The following CELF2 variants were observed in gnomAD, a reference collection of about 807,000 sequenced individuals.
CELF2 encodes the protein CUG triplet repeat RNA-binding protein 2.
Under a neutral mutation model 62.6 loss-of-function variants are expected in CELF2, and 8 were observed. The observed-to-expected ratio is 0.13, with a 90% CI of 0.07 to 0.23. The LOEUF (loss-of-function observed/expected upper bound fraction) is 0.23, where lower values mean the gene tolerates loss of function less well. Among genes scored for constraint, CELF2 ranks in the 10% least tolerant of loss-of-function variants. The pLI, the probability that CELF2 is intolerant of heterozygous loss-of-function variation, is 1.00. For synonymous variants in CELF2, 258 were observed against 250.0 expected (o/e 1.03, Z -0.30); for missense variants, 333 against 671.0 (o/e 0.50, Z 5.56).
intron 9 of CELF2, among the ~76,000 whole-genome samples, chr10:11,294,520 ATC>A (rs1418841744): frequency 6.6e-6 from 1 of 152,186 alleles, no homozygotes; most frequent in Non-Finnish European, 1.5e-5. Flanking sequence ...AAAGAAGGAA[ATC>A]TCAAGGTAGA....
At chr10:10,904,192 A>G (rs943175261) in intron 1 of CELF2, among the ~76,000 whole-genome samples, 2 of 151,816 alleles carry the variant, frequency 1.3e-5, no homozygotes, top group African/African-American at 4.8e-5. Flanking sequence ...TATTATTTTT[A>G]TCACGCAATA....
chr10:10,743,045 G>A, the CELF2 span, among the ~76,000 whole-genome samples: 1 of 152,160 alleles, frequency 6.6e-6, no homozygotes, highest in African/African-American at 2.4e-5. Flanking sequence ...CACCTACTAT[G>A]TGCCTAAGGC....
rs56364371 is a variant in CELF2, at chr10:11,032,146, C to CAAAAAAAAAAAAAAAAA, written c.74+13992_74+14008dup. Among the ~76,000 whole-genome samples, 271 of 86,326 alleles carry CAAAAAAAAAAAAAAAAA rather than the reference C, an allele frequency of 3.1e-3. 22 individuals carry two copies. Among genetic ancestry groups the CAAAAAAAAAAAAAAAAA allele is most frequent in the Non-Finnish European group, 4.9e-3 (190 of 38,704 alleles). The allele number at this position is 86,326 out of a possible 152,430, so 56.6% of individuals were successfully genotyped here. ...CTCCCAGCTCCACATAGGGCTTAGC[C>CAAAAAAAAAAAAAAAAA]AAAAAAAAAAAAAAAAAAAAAAAAA... On this transcript the variant is annotated intron_variant, in intron 1 of 12. Coordinates refer to ENST00000633077, the MANE Select transcript of CELF2 (RefSeq NM_001326342.2).
the CELF2 span, among the ~76,000 whole-genome samples, chr10:10,731,799 C>T: frequency 4.7e-3 from 714 of 152,234 alleles, 2 homozygotes; most frequent in Middle Eastern, 0.01. Context: ...ATGTTCTGTT[C>T]AGTTTGAGAT....
chr10:11,111,646 A>G (rs904420148), intron 1 of CELF2, among the ~76,000 whole-genome samples: 14 of 152,226 alleles, frequency 9.2e-5, no homozygotes, highest in Admixed American at 5.2e-4. Flanking sequence ...CTCTTTTCAC[A>G]TAGGCAACGT....
At chr10:10,824,868 G>A (rs749143018) in intron 1 of CELF2, among the ~76,000 whole-genome samples, 2 of 152,144 alleles carry the variant, frequency 1.3e-5, no homozygotes, top group Non-Finnish European at 2.9e-5. Flanking sequence ...ACACCTCTTT[G>A]AGCCTCTGAT....
At chr10:10,979,672 CAAAAAAAA>C (rs35482385) in intron 2 of CELF2, among the ~76,000 whole-genome samples, 2 of 68,968 alleles carry the variant, frequency 2.9e-5, no homozygotes, top group Admixed American at 1.6e-4. Flanking sequence ...CCTTGTCTCT[CAAAAAAAA>C]AAAAAAAAAA....
At chr10:10,551,501 C>T in the CELF2 span, among the ~76,000 whole-genome samples, 1 of 152,106 alleles carries the variant, frequency 6.6e-6, no homozygotes, top group Admixed American at 6.6e-5. Flanking sequence ...GACCCCCTCC[C>T]CCCCAGTCTC....
the CELF2 span, among the ~76,000 whole-genome samples, chr10:10,651,809 G>T: frequency 6.6e-6 from 1 of 151,918 alleles, no homozygotes; most frequent in African/African-American, 2.4e-5. Context: ...CTAAAAAGCA[G>T]AGCGCCTCTC....
intron 1 of CELF2, among the ~76,000 whole-genome samples, chr10:10,853,354 C>T (rs767997550): frequency 6.6e-6 from 1 of 151,900 alleles, no homozygotes; most frequent in African/African-American, 2.4e-5. Flanking sequence ...TTAGCAGGCT[C>T]CTATAAGAAA....
chr10:10,999,950 C>T (rs903986580), intron 2 of CELF2, among the ~76,000 whole-genome samples: 3 of 152,178 alleles, frequency 2.0e-5, no homozygotes, highest in Non-Finnish European at 2.9e-5. Flanking sequence ...GTGCCTTTGC[C>T]TCCTCTAAAA....
rs188062685 is a variant in CELF2 at position 11,152,580 on chromosome 10, C to T, written c.75-12906C>T. Among the ~76,000 whole-genome samples the T allele has an allele frequency of 1.9e-3, 293 of 152,354 alleles. 4 individuals carry two copies. Among genetic ancestry groups the T allele is most frequent in the Non-Finnish European group, 3.5e-4 (24 of 68,034 alleles). On this transcript the variant is annotated intron_variant, in intron 1 of 12. Transcript: ENST00000633077. ...CTTGTCACCTTTTAACCTTTTCACT[C>T]AGAATCCTAAAGGATGTTCTTGAAC...
At chr10:11,320,428 C>G (rs1363957313) in intron 10 of CELF2, among the ~76,000 whole-genome samples, 1 of 152,216 alleles carries the variant, frequency 6.6e-6, no homozygotes, top group Non-Finnish European at 1.5e-5. Flanking sequence ...TGTGTGCATG[C>G]GTGCACGCAC....
chr10:10,618,854 T>C, the CELF2 span, among the ~76,000 whole-genome samples: 15 of 152,194 alleles, frequency 9.9e-5, no homozygotes, highest in East Asian at 2.9e-3. Flanking sequence ...TCTGGTTCCA[T>C]GGTGAAATAC....
At chr10:10,704,892 A>ATT in the CELF2 span, among the ~76,000 whole-genome samples, 3 of 145,872 alleles carry the variant, frequency 2.1e-5, no homozygotes, top group Non-Finnish European at 3.0e-5. Context: ...CTTATATAAG[A>ATT]TTTTTTTTTT....
At chr10:10,688,141 T>A in the CELF2 span, among the ~76,000 whole-genome samples, 2 of 152,224 alleles carry the variant, frequency 1.3e-5, no homozygotes, top group African/African-American at 4.8e-5. Context: ...GGATTTAGGA[T>A]TTTACCTGCA....
rs920413420 is a variant in CELF2, at chr10:10,839,162, T to C, written c.53+40345T>C. On this transcript the variant is annotated intron_variant, in intron 1 of 13. Transcript: ENST00000636488. ...CTCATCTCAAAAAACAAAAATTATA[T>C]TAGAAACCAAGACCTGGACACGAGG... Among the ~76,000 whole-genome samples, 7 of 151,970 alleles carry C rather than the reference T, an allele frequency of 4.6e-5. 1 individual carries two copies. The highest frequency in any genetic ancestry group is 1.0e-4 in the Non-Finnish European group (7 of 67,992).
rs117382121 is a variant in CELF2, at chr10:11,061,710, C to T, written c.74+43547C>T. Among the ~76,000 whole-genome samples, 356 of 152,312 alleles carry T rather than the reference C, an allele frequency of 2.3e-3. 4 individuals carry two copies. The highest frequency in any genetic ancestry group is 0.02 in the East Asian group (102 of 5,190). ...ATTTACTACTCCAAAAATCCTTGGG[C>T]CCTTAAGAATTTTACTAAACGTACT... On this transcript the variant is annotated intron_variant, in intron 1 of 12. Coordinates refer to ENST00000633077, the MANE Select transcript of CELF2 (RefSeq NM_001326342.2).
At chr10:10,868,432 A>G (rs1392764760) in intron 1 of CELF2, among the ~76,000 whole-genome samples, 1 of 152,224 alleles carries the variant, frequency 6.6e-6, no homozygotes, top group East Asian at 1.9e-4. Context: ...AGAGGCAGGA[A>G]GAAGCTTCCA....
Sources: gnomAD v4.1 joint callset for allele counts (sites outside exome capture counted in the v4.1 genomes callset) on GRCh38, gnomAD v4.1.1 for gene constraint, MANE v1.5 for transcripts, NCBI Gene and HGNC (gene_info 2026-07-23, HGNC 2026-07-21) for gene names.